The following PDXK variants were observed in gnomAD, a reference collection of about 807,000 sequenced individuals.
The protein encoded by PDXK is pyridoxal kinase, also known as epididymis secretory sperm binding protein Li 1a.
Under a neutral mutation model 43.2 loss-of-function variants are expected in PDXK, and 15 were observed. That is an observed-to-expected ratio of 0.35 (90% CI 0.23 to 0.53). The LOEUF is 0.53. Ranked by LOEUF, PDXK falls within the 20% of genes least tolerant of loss-of-function variation. The probability of loss-of-function intolerance (pLI) is 0.92; values close to 1 mark genes in which losing one functional copy is unlikely to be tolerated. For missense variants in PDXK, 343 were observed against 417.0 expected (o/e 0.82, Z 1.54); for synonymous variants, 172 against 165.4 (o/e 1.04, Z -0.31).
chr21:43,750,406 T>G, intron 6 of PDXK, 94 bp from the exon 7 acceptor site: 1 of 1,165,526 alleles, frequency 8.6e-7, no homozygotes, highest in Non-Finnish European at 1.2e-6. Context: ...GGATGGGGAT[T>G]TCCAGAGCCG....
At chr21:43,721,017 G>A (rs888894386) in intron 1 of PDXK, among the ~76,000 whole-genome samples, 3 of 152,226 alleles carry the variant, frequency 2.0e-5, no homozygotes, top group Non-Finnish European at 2.9e-5. Flanking sequence ...AAAGGATGGC[G>A]CTGCTGTTCC....
intron 1 of PDXK, chr21:43,728,859 C>T (rs1034295441): frequency 4.1e-6 from 4 of 985,474 alleles, no homozygotes; most frequent in Non-Finnish European, 4.8e-6. Flanking sequence ...TCCGCTGCGG[C>T]CCCCGCAGGA....
Position 43,743,736 on chromosome 21 carries a change from A to G in PDXK, c.260A>G (p.Asp87Gly). The G allele has an allele frequency of 1.9e-6, 3 of 1,613,026 alleles. No individual in the cohort carries two copies. The highest frequency in any genetic ancestry group is 2.5e-6 in the Non-Finnish European group (3 of 1,179,160). Reference sequence around the variant, plus strand: ...TCTCCCCCTAAAGGTTATACGAGGGACAAGTCGTTCCTGGCCATGGTGGTG... The same window carrying G: ...TCTCCCCCTAAAGGTTATACGAGGGGCAAGTCGTTCCTGGCCATGGTGGTG... ...YDYVLTGYTR[D>G]KSFLAMVVDI... Residue 87 changes from aspartate (D) to glycine (G), a missense_variant, in exon 4 of 11, where the codon GAC (aspartate) becomes GGC (glycine). Coordinates refer to ENST00000291565, the MANE Select transcript of PDXK (RefSeq NM_003681.5).
chr21:43,752,693 G>C (rs1374328733), intron 8 of PDXK, 64 bp downstream of exon 8: 3 of 1,016,952 alleles, frequency 2.9e-6, no homozygotes, highest in African/African-American at 3.1e-5. Flanking sequence ...GTTCTTTGGG[G>C]CTGCAAGAAT....
Position 43,737,581 on chromosome 21 carries a change from G to A in PDXK, c.142+3458G>A. ...TGTAGAGCCAGAGGGGATGGGACAG[G>A]TGCCCTGCTGCTGGGCTTGGTGGTC... On this transcript the variant is annotated intron_variant, in intron 2 of 10. Coordinates refer to ENST00000291565, the MANE Select transcript of PDXK (RefSeq NM_003681.5). This position sits in a 1 kb window ranked among gnomAD's most constrained non-coding sequence, Gnocchi z 4.8. The A allele has an allele frequency of 1.0e-6, 1 of 994,646 alleles. No homozygotes were observed. The allele number at this position is 994,646 out of a possible 1,614,324, so 61.6% of individuals were successfully genotyped here.
Position 43,719,212 on chromosome 21 carries a change from G to A in PDXK, c.-83G>A, listed in dbSNP as rs1601773669. The A allele has an allele frequency of 1.3e-6, 1 of 745,942 alleles. No individual in the cohort carries two copies. The highest frequency in any genetic ancestry group is 3.9e-5 in the East Asian group (1 of 25,678). 46.2% of individuals were successfully genotyped at this position (745,942 alleles called of 1,614,324 possible). A position where few individuals can be genotyped will look rare whatever the true frequency, so the allele number is the denominator to read the frequency against. On this transcript the variant is annotated 5_prime_UTR_variant, in exon 1 of 11. Transcript: ENST00000291565. Reference sequence around the variant, plus strand: ...CCGAGGGGAGCCGGGGCCGGAGCCCGAGCCCGAGCCGAGCCGGAGCCCGAG... The same window carrying A: ...CCGAGGGGAGCCGGGGCCGGAGCCCAAGCCCGAGCCGAGCCGGAGCCCGAG...
intron 1 of PDXK, among the ~76,000 whole-genome samples, chr21:43,726,781 T>G (rs944565726): frequency 6.6e-6 from 1 of 152,124 alleles, no homozygotes; most frequent in African/African-American, 2.4e-5. Context: ...TGTGTGTGTG[T>G]GTATGTGGGT....
intron 4 of PDXK, 141 bp from the exon 5 acceptor site, chr21:43,745,938 A>C (rs2083631392): frequency 2.8e-6 from 2 of 710,466 alleles, no homozygotes; most frequent in Non-Finnish European, 5.2e-6. Context: ...TCGAGGTTGC[A>C]GTGAACCATG....
In PDXK at chr21:43,719,545, G is replaced by A. The variant is rs116315110; in HGVS notation, c.87+164G>A. On this transcript the variant is annotated intron_variant, in intron 1 of 10. Coordinates refer to ENST00000291565, the MANE Select transcript of PDXK (RefSeq NM_003681.5). Reference sequence around the variant, plus strand: ...GCGGGATGAGCCTCCCGCTCTGCTTGGCTTGCGGGGGCGGAAGCGGAGGGC... The same window carrying A: ...GCGGGATGAGCCTCCCGCTCTGCTTAGCTTGCGGGGGCGGAAGCGGAGGGC... 2,196 of 962,898 alleles carry A rather than the reference G, an allele frequency of 2.3e-3. 24 individuals are homozygous for A. The African/African-American group carries it at 0.032, about 14-fold the overall frequency. 59.6% of individuals were successfully genotyped at this position (962,898 alleles called of 1,614,324 possible).
chr21:43,725,475 A>G (rs983665512), intron 1 of PDXK, among the ~76,000 whole-genome samples: 1 of 152,180 alleles, frequency 6.6e-6, no homozygotes, highest in African/African-American at 2.4e-5. Context: ...TTTTTGCCTT[A>G]ACATTTTTCA....
chr21:43,754,194 C>T lies in PDXK; in HGVS notation c.759+475C>T, dbSNP rs1568994011. ...GGGACAGTAGGTGGGAGGCTGAGGACAGGGGTCCAGGCAGGTGTGGAGAGC... is the reference window on the plus strand; with the variant it reads ...GGGACAGTAGGTGGGAGGCTGAGGATAGGGGTCCAGGCAGGTGTGGAGAGC... On this transcript the variant is annotated intron_variant, in intron 9 of 10. Coordinates refer to ENST00000291565, the MANE Select transcript of PDXK (RefSeq NM_003681.5). This position sits in a 1 kb window ranked among gnomAD's most constrained non-coding sequence, Gnocchi z 5.5. 6.6e-6 allele frequency among the ~76,000 whole-genome samples: 1 copy of T among 152,146 alleles called. No individual in the cohort carries two copies. Among genetic ancestry groups the T allele is most frequent in the East Asian group, 1.9e-4 (1 of 5,184 alleles).
intron 1 of PDXK, chr21:43,721,574 A>G (rs954359733): frequency 2.6e-5 from 4 of 152,260 alleles, no homozygotes; most frequent in Admixed American, 2.0e-4. Context: ...GTGTCTCCAC[A>G]TCTTGGAATT....
In PDXK at chr21:43,733,928, G is replaced by C. The variant is rs891685230; in HGVS notation, c.88-141G>C. On this transcript the variant is annotated intron_variant, in intron 1 of 10. Coordinates refer to ENST00000291565, the MANE Select transcript of PDXK (RefSeq NM_003681.5). The stretch of plus-strand genomic sequence containing the variant: ...CGGGGAGAGCCTCCTGCTCTGATGC[G>C]TCAGCCCTCCAGCCTGCAGCTGGGG... 5.2e-6 allele frequency: 4 copies of C among 763,392 alleles called. No individual in the cohort carries two copies. In the African/African-American group the frequency reaches 6.8e-5, roughly 13 times the overall value. 47.3% of individuals were successfully genotyped at this position (763,392 alleles called of 1,614,324 possible).
At chr21:43,739,775 C>T (rs2083462061) in intron 2 of PDXK, among the ~76,000 whole-genome samples, 1 of 151,784 alleles carries the variant, frequency 6.6e-6, no homozygotes, top group African/African-American at 2.4e-5. Flanking sequence ...GCCATGTCAC[C>T]TCCCCAGGAA....
rs1223486545 is a variant in PDXK, at chr21:43,723,157, C to CTTT, written c.87+3788_87+3790dup. On this transcript the variant is annotated intron_variant, in intron 1 of 10. Coordinates refer to ENST00000291565, the MANE Select transcript of PDXK (RefSeq NM_003681.5). This position sits in a 1 kb window ranked among gnomAD's most constrained non-coding sequence, Gnocchi z 4.1. Reference sequence around the variant, plus strand: ...CCTGGCCTTCTTTTTCTTTTTCTTTCTTTTTTTTTTTTTTGAGACGAGGGT... The same window carrying CTTT: ...CCTGGCCTTCTTTTTCTTTTTCTTTCTTTTTTTTTTTTTTTTTGAGACGAGGGT... 7.3e-6 allele frequency among the ~76,000 whole-genome samples: 1 copy of CTTT among 136,576 alleles called. No individual in the cohort carries two copies. The highest frequency in any genetic ancestry group is 7.3e-5 in the Admixed American group (1 of 13,642). 89.6% of individuals were successfully genotyped at this position (136,576 alleles called of 152,430 possible).
At position 43,734,202 on chromosome 21, in the gene PDXK, GGGGC is replaced by G; in HGVS notation, c.142+82_142+85del. On this transcript the variant is annotated intron_variant, in intron 2 of 10. Coordinates refer to ENST00000291565, the MANE Select transcript of PDXK (RefSeq NM_003681.5). This position sits in a 1 kb window ranked among gnomAD's most constrained non-coding sequence, Gnocchi z 5.0. ...GGGGCGGAGTGTGGGTGTGAGGGAC[GGGGC>G]GGAGTGTGGGTGTGAGGGACGGGGC... 7.4e-7 allele frequency: 1 copy of G among 1,345,426 alleles called. No homozygotes were observed. Among genetic ancestry groups the G allele is most frequent in the African/African-American group, 1.4e-5 (1 of 69,012 alleles). 83.3% of individuals were successfully genotyped at this position (1,345,426 alleles called of 1,614,324 possible). A position where few individuals can be genotyped will look rare whatever the true frequency, so the allele number is the denominator to read the frequency against.
At position 43,756,361 on chromosome 21, in the gene PDXK, G is replaced by A. The variant is rs2083851172; in HGVS notation, c.*298G>A. The A allele has an allele frequency of 3.0e-6, 1 of 334,754 alleles. No homozygotes were observed. The highest frequency in any genetic ancestry group is 4.3e-5 in the Admixed American group (1 of 23,146). The allele number at this position is 334,754 out of a possible 1,614,324, so 20.7% of individuals were successfully genotyped here. Reference sequence around the variant, plus strand: ...TCGGGGGTGTTCCCTGTGGGAGGGTGAGTGGGTGAGGCCGAGCCTGCTGCG... The same window carrying A: ...TCGGGGGTGTTCCCTGTGGGAGGGTAAGTGGGTGAGGCCGAGCCTGCTGCG... On this transcript the variant is annotated 3_prime_UTR_variant, in exon 11 of 11. Coordinates refer to ENST00000291565, the MANE Select transcript of PDXK (RefSeq NM_003681.5).
chr21:43,745,996 TAAAAAAAG>T, intron 4 of PDXK, 75 bp from the exon 5 acceptor site: 1 of 1,129,950 alleles, frequency 8.8e-7, no homozygotes, highest in Non-Finnish European at 1.3e-6. Context: ...GACCCTGTCT[TAAAAAAAG>T]AAGAAAGAAA....
In PDXK at chr21:43,756,158, A is replaced by G; in HGVS notation, c.*95A>G. 1 of 695,500 alleles carries G rather than the reference A, an allele frequency of 1.4e-6. No homozygotes were observed. Among genetic ancestry groups the G allele is most frequent in the Non-Finnish European group, 2.5e-6 (1 of 404,078 alleles). 43.1% of individuals were successfully genotyped at this position (695,500 alleles called of 1,614,324 possible). ...ACGTCTGCCTTAGAGCCATGACCGA[A>G]ACTTGATATTTTTTTCTTTCATGAG... On this transcript the variant is annotated 3_prime_UTR_variant, in exon 11 of 11. Transcript: ENST00000291565.
Sources: gnomAD v4.1 joint callset for allele counts (sites outside exome capture counted in the v4.1 genomes callset) on GRCh38, gnomAD v4.1.1 for gene constraint, Gnocchi (gnomAD v3.1) non-coding constraint, MANE v1.5 for transcripts, NCBI Gene and HGNC (gene_info 2026-07-23, HGNC 2026-07-21) for gene names.